The following EYS variants were observed in gnomAD, a reference collection of about 807,000 sequenced individuals.
EYS encodes protein eyes shut homolog.
Under a neutral mutation model 282.1 loss-of-function variants are expected in EYS, and 250 were observed. The ratio of observed to expected loss-of-function variants is 0.89; its 90% confidence interval spans 0.80 to 0.98. EYS has a LOEUF of 0.98. Ranked by LOEUF, EYS falls within the 50% of genes least tolerant of loss-of-function variation. The pLI, the probability that EYS is intolerant of heterozygous loss-of-function variation, is 0.00. For missense variants in EYS, 4,016 were observed against 3,709.0 expected, an observed-to-expected ratio of 1.08 and a Z score of -2.15; for synonymous variants, 1,355 against 1,282.9, an observed-to-expected ratio of 1.06 and a Z score of -1.20.
intron 12 of EYS, among the ~76,000 whole-genome samples, chr6:65,117,033 CT>C (rs964975999): frequency 1.5e-4 from 23 of 152,148 alleles, no homozygotes; most frequent in Admixed American, 1.5e-3. Context: ...AGCCATTAAA[CT>C]GCACTGGCCA....
At chr6:65,131,438 T>C (rs1775874226) in intron 12 of EYS, among the ~76,000 whole-genome samples, 2 of 151,854 alleles carry the variant, frequency 1.3e-5, no homozygotes, top group African/African-American at 4.8e-5. Context: ...CACTCAAAAC[T>C]GTGCAATTAC....
chr6:65,330,211 A>G, intron 11 of EYS: 1 of 956,004 alleles, frequency 1.0e-6, no homozygotes, highest in Non-Finnish European at 1.2e-6. Flanking sequence ...GACAGGTATC[A>G]TGTCTCATTG....
intron 36 of EYS, among the ~76,000 whole-genome samples, chr6:63,846,297 T>C (rs1477652615): frequency 6.6e-6 from 1 of 152,166 alleles, no homozygotes; most frequent in Admixed American, 6.5e-5. Context: ...TGGTGTTTGC[T>C]GTCAACAAGG....
intron 29 of EYS, among the ~76,000 whole-genome samples, chr6:64,320,179 A>T (rs1235412721): frequency 1.3e-5 from 2 of 151,904 alleles, no homozygotes; most frequent in East Asian, 3.9e-4. Context: ...TCAGTGATAA[A>T]TTTTTTATTA....
chr6:63,727,448 T>G (rs975486586), intron 41 of EYS, among the ~76,000 whole-genome samples: 12 of 151,690 alleles, frequency 7.9e-5, no homozygotes, highest in African/African-American at 2.9e-4. Flanking sequence ...TTTGCTGATT[T>G]TTTTTAAAAA....
intron 12 of EYS, among the ~76,000 whole-genome samples, chr6:65,083,156 A>G (rs1774273078): frequency 6.6e-6 from 1 of 152,014 alleles, no homozygotes; most frequent in Non-Finnish European, 1.5e-5. Flanking sequence ...AGGAAACATA[A>G]TTGCATTCAT....
intron 32 of EYS, among the ~76,000 whole-genome samples, chr6:64,070,573 T>C (rs1225148727): frequency 1.3e-5 from 2 of 152,074 alleles, no homozygotes; most frequent in Non-Finnish European, 2.9e-5. Context: ...TGAATAACCA[T>C]ACATTATCTG....
chr6:64,608,578 T>C (rs1767008130), intron 24 of EYS, among the ~76,000 whole-genome samples: 1 of 152,190 alleles, frequency 6.6e-6, no homozygotes, highest in South Asian at 2.1e-4. Context: ...AGCAAACGAA[T>C]TGAAAACATG....
intron 11 of EYS, chr6:65,331,206 C>A: frequency 1.3e-6 from 1 of 756,928 alleles, no homozygotes; most frequent in Non-Finnish European, 1.6e-6. Context: ...TTTACTATTG[C>A]ATTAAATGTG....
intron 22 of EYS, among the ~76,000 whole-genome samples, chr6:64,762,630 A>T (rs939441626): frequency 6.6e-6 from 1 of 152,068 alleles, no homozygotes; most frequent in Non-Finnish European, 1.5e-5. Context: ...TGGTTCCAAA[A>T]CTATTTATGA....
intron 31 of EYS, among the ~76,000 whole-genome samples, chr6:64,182,943 T>C (rs1211111366): frequency 6.6e-6 from 1 of 152,114 alleles, no homozygotes; most frequent in Non-Finnish European, 1.5e-5. Context: ...TTGATATGGT[T>C]TGGCTCTGTG....
chr6:64,042,820 A>G lies in EYS; in HGVS notation c.6725+23518T>C, dbSNP rs377518094. 5.1e-4 allele frequency among the ~76,000 whole-genome samples: 78 copies of G among 152,270 alleles called. 1 individual carries two copies. The highest frequency in any genetic ancestry group is 1.7e-3 in the African/African-American group (72 of 41,548). ...GGTCTCGGCTGACTTGCCTCTAGTC[A>G]ATTAACATTTTCCTTTGTCTCCGCA... is the stretch of plus-strand genomic sequence containing the variant. On this transcript the variant is annotated intron_variant, in intron 33 of 42. Coordinates refer to ENST00000503581, the MANE Select transcript of EYS (RefSeq NM_001142800.2).
chr6:64,882,219 C>T (rs549039651), intron 19 of EYS, among the ~76,000 whole-genome samples: 97 of 151,810 alleles, frequency 6.4e-4, no homozygotes, highest in African/African-American at 2.3e-3. Flanking sequence ...AAAAGAGTGA[C>T]GGATCTCTGA....
At chr6:64,586,397 TTA>T (rs1232897893) in intron 26 of EYS, among the ~76,000 whole-genome samples, 2 of 152,102 alleles carry the variant, frequency 1.3e-5, no homozygotes, top group African/African-American at 2.4e-5. Context: ...ATTTTCTAAA[TTA>T]TATGTAAGAA....
At chr6:64,355,165 T>C (rs1198691436) in intron 29 of EYS, among the ~76,000 whole-genome samples, 1 of 151,624 alleles carries the variant, frequency 6.6e-6, no homozygotes, top group Non-Finnish European at 1.5e-5. Flanking sequence ...AAATTGTCCA[T>C]GTGCTGCCTA....
chr6:65,031,958 TAA>T (rs1163436270), intron 13 of EYS, among the ~76,000 whole-genome samples: 4 of 151,790 alleles, frequency 2.6e-5, no homozygotes, highest in South Asian at 2.1e-4. Context: ...AAAAAATATA[TAA>T]GATTCATAAT....
At chr6:64,390,264 A>G (rs1271257447) in intron 28 of EYS, among the ~76,000 whole-genome samples, 2 of 152,178 alleles carry the variant, frequency 1.3e-5, no homozygotes. Context: ...AACTGGGTGG[A>G]GCCCACCACA....
At chr6:65,694,198 T>C (rs1769349588) in intron 1 of EYS, among the ~76,000 whole-genome samples, 1 of 150,004 alleles carries the variant, frequency 6.7e-6, no homozygotes, top group Non-Finnish European at 1.5e-5. Context: ...GCAGAGGTTG[T>C]GGTGAGCCAA....
At chr6:63,942,690 A>G (rs1765278847) in intron 35 of EYS, among the ~76,000 whole-genome samples, 1 of 152,190 alleles carries the variant, frequency 6.6e-6, no homozygotes, top group Non-Finnish European at 1.5e-5. Flanking sequence ...AATAATTGGT[A>G]CCATATAGAA....
Sources: allele counts gnomAD v4.1 joint callset (sites outside exome capture counted in the v4.1 genomes callset), GRCh38; gene constraint gnomAD v4.1.1; transcripts MANE v1.5; gene names NCBI Gene and HGNC (gene_info 2026-07-23, HGNC 2026-07-21).